IFNGR1: variants seen among roughly 807,000 people sequenced by gnomAD.
IFNGR1 encodes the protein interferon gamma receptor 1, also known as AVP, type 2.
A neutral mutation model predicts 35.4 loss-of-function variants in IFNGR1; 23 were observed. That is an observed-to-expected ratio of 0.65 (90% CI 0.47 to 0.92). The LOEUF is 0.92. IFNGR1 is among the 40% of genes least tolerant of loss of function. IFNGR1 has a pLI of 0.00. For missense variants in IFNGR1, 533 were observed against 583.4 expected, an observed-to-expected ratio of 0.91 and a Z score of 0.89; for synonymous variants, 199 against 209.5, an observed-to-expected ratio of 0.95 and a Z score of 0.43.
intron 5 of IFNGR1, among the ~76,000 whole-genome samples, chr6:137,203,173 T>A (rs1436152255): frequency 6.6e-6 from 1 of 152,222 alleles, no homozygotes; most frequent in Non-Finnish European, 1.5e-5. Context: ...ATTCACAACA[T>A]CTTGCTATGG....
At chr6:137,218,285 AAAAAAG>A (rs1779756063) in intron 1 of IFNGR1, among the ~76,000 whole-genome samples, 1 of 144,634 alleles carries the variant, frequency 6.9e-6, no homozygotes, top group African/African-American at 2.5e-5. Flanking sequence ...ATCATAATAA[AAAAAAG>A]AAAACTGAAT....
chr6:137,214,915 G>A (rs1462685066), intron 1 of IFNGR1, among the ~76,000 whole-genome samples: 3 of 152,156 alleles, frequency 2.0e-5, no homozygotes, highest in Non-Finnish European at 4.4e-5. Context: ...ATACTGATCT[G>A]GTTAAGTTTG....
intron 3 of IFNGR1, among the ~76,000 whole-genome samples, chr6:137,204,994 G>A (rs1779397119): frequency 6.6e-6 from 1 of 152,120 alleles, no homozygotes; most frequent in Admixed American, 6.6e-5. Flanking sequence ...AGACTTTGTT[G>A]TGAACCATTT....
Position 137,203,611 on chromosome 6 carries a change from G to C in IFNGR1, c.621C>G (p.Ser207=). 6.2e-7 allele frequency: 1 copy of C among 1,611,222 alleles called. No homozygotes were observed. The highest frequency in any genetic ancestry group is 8.5e-7 in the Non-Finnish European group (1 of 1,177,486). Residue 207 remains serine (S), a synonymous_variant, in exon 5 of 7, where the codon TCC becomes TCG. Transcript: ENST00000367739. ...EIQCQLAIPV[S]SLNSQYCVSA... ...AAACACAGTACTGAGAATTCAGTGAGGATACTGGAATCGCTAACTGGCACT... is the reference window on the plus strand; with the variant it reads ...AAACACAGTACTGAGAATTCAGTGACGATACTGGAATCGCTAACTGGCACT...
At chr6:137,199,030 C>CT (rs1779173225) in intron 6 of IFNGR1, among the ~76,000 whole-genome samples, 2 of 151,938 alleles carry the variant, frequency 1.3e-5, no homozygotes, top group Non-Finnish European at 2.9e-5. Flanking sequence ...TGGGCACAAT[C>CT]TAATCAGCTG....
intron 3 of IFNGR1, among the ~76,000 whole-genome samples, chr6:137,205,314 C>T (rs1779404449): frequency 6.6e-6 from 1 of 152,092 alleles, no homozygotes; most frequent in Non-Finnish European, 1.5e-5. Context: ...GGCTAGAAGA[C>T]TAGGGAGGAG....
chr6:137,214,191 A>G (rs1444582027), intron 1 of IFNGR1, among the ~76,000 whole-genome samples: 1 of 152,238 alleles, frequency 6.6e-6, no homozygotes, highest in Non-Finnish European at 1.5e-5. Context: ...CAGGGACAGG[A>G]ATGGGGACTG....
chr6:137,201,935 T>C (rs761927162), intron 5 of IFNGR1, among the ~76,000 whole-genome samples: 4 of 152,156 alleles, frequency 2.6e-5, no homozygotes, highest in Non-Finnish European at 5.9e-5. Flanking sequence ...TTGTGTACTT[T>C]GCTGTAATGC....
chr6:137,208,748 A>C (rs938670002), intron 1 of IFNGR1, among the ~76,000 whole-genome samples: 1 of 152,166 alleles, frequency 6.6e-6, no homozygotes, highest in African/African-American at 2.4e-5. Flanking sequence ...CTCATGGAGA[A>C]CCTCTGCTAG....
At chr6:137,205,939 C>T (rs71583726) in intron 3 of IFNGR1, among the ~76,000 whole-genome samples, 197 bp downstream of exon 3, 7 of 152,150 alleles carry the variant, frequency 4.6e-5, no homozygotes, top group South Asian at 2.1e-4. Context: ...GCCATGCTGG[C>T]GCTCAAAAAG....
intron 6 of IFNGR1, 83 bp from the exon 7 acceptor site, chr6:137,198,722 T>A (rs1312218561): frequency 2.8e-6 from 3 of 1,060,678 alleles, no homozygotes; most frequent in Non-Finnish European, 4.3e-6. Flanking sequence ...TCTGAAGTAA[T>A]GGACCACCAA....
intron 5 of IFNGR1, among the ~76,000 whole-genome samples, chr6:137,201,870 A>G (rs1697832951): frequency 6.6e-6 from 1 of 152,202 alleles, no homozygotes; most frequent in African/African-American, 2.4e-5. Flanking sequence ...AACCAGACAT[A>G]AATAATATAA....
chr6:137,204,311 T>G, intron 4 of IFNGR1, 21 bp downstream of exon 4: 1 of 1,606,392 alleles, frequency 6.2e-7, no homozygotes. Context: ...ATTTCCATTA[T>G]GAAAAATGTG....
chr6:137,198,316 G>A lies in IFNGR1; in HGVS notation c.1185C>T (p.Asn395=). The A allele has an allele frequency of 6.2e-7, 1 of 1,613,356 alleles. No individual in the cohort carries two copies. The highest frequency in any genetic ancestry group is 8.5e-7 in the Non-Finnish European group (1 of 1,179,952). Residue 395 remains asparagine, a synonymous_variant, in exon 7 of 7, where the codon AAC becomes AAT. Transcript: ENST00000367739. The part of the protein sequence containing the change: ...NQSEPGSIAL[N]SYHSRNCSES... Reference sequence around the variant, plus strand: ...CAGAACAATTTCTGGAGTGATACGAGTTTAAAGCGATGCTGCCAGGTTCAG... The same window carrying A: ...CAGAACAATTTCTGGAGTGATACGAATTTAAAGCGATGCTGCCAGGTTCAG...
chr6:137,200,425 A>G (rs1263924515), intron 6 of IFNGR1, among the ~76,000 whole-genome samples: 1 of 152,198 alleles, frequency 6.6e-6, no homozygotes, highest in Non-Finnish European at 1.5e-5. Context: ...CAGAGCTTTC[A>G]AAGTCATGCT....
At chr6:137,218,121 C>G (rs541358483) in intron 1 of IFNGR1, among the ~76,000 whole-genome samples, 1 of 152,316 alleles carries the variant, frequency 6.6e-6, no homozygotes, top group Admixed American at 6.5e-5. Context: ...AGCAGCTCCC[C>G]ACTGAGTGGC....
intron 1 of IFNGR1, among the ~76,000 whole-genome samples, chr6:137,211,313 A>C (rs1779567903): frequency 6.6e-6 from 1 of 152,232 alleles, no homozygotes; most frequent in Admixed American, 6.5e-5. Flanking sequence ...CTAACTTAAA[A>C]ACAGAATGCT....
At position 137,198,101 on chromosome 6, in the gene IFNGR1, A is replaced by G. The variant is rs1887415; in HGVS notation, c.1400T>C (p.Leu467Pro). Reference protein sequence around the residue: ...YDKPHVLVDLLVDDSGKESLI... With the variant: ...YDKPHVLVDLPVDDSGKESLI... ...GGACTCTTTACCGCTATCATCCACA[A>G]GTAGATCCACTAGCACATGTGGTTT... Residue 467 changes from leucine (L) to proline (P), a missense_variant, in exon 7 of 7, where the codon CTT becomes CCT. By Grantham distance (98) the Leu-to-Pro change is moderately conservative. Coordinates refer to ENST00000367739, the MANE Select transcript of IFNGR1 (RefSeq NM_000416.3). The G allele has an allele frequency of 0.021, 34,382 of 1,614,140 alleles. 3,621 individuals carry two copies. In the South Asian group the frequency reaches 0.26, roughly 12 times the overall value.
At chr6:137,200,744 A>G in intron 6 of IFNGR1, 137 bp downstream of exon 6, 1 of 736,052 alleles carries the variant, frequency 1.4e-6, no homozygotes, top group Non-Finnish European at 2.2e-6. Flanking sequence ...GTGATTTTGC[A>G]TGTGTGGTAG....
Sources: gnomAD v4.1 joint callset for allele counts (sites outside exome capture counted in the v4.1 genomes callset) on GRCh38, gnomAD v4.1.1 for gene constraint, MANE v1.5 for transcripts, NCBI Gene and HGNC (gene_info 2026-07-23, HGNC 2026-07-21) for gene names.